Variants in VIPR1 observed in about 807,000 individuals in gnomAD.
The protein encoded by VIPR1 is vasoactive intestinal polypeptide receptor 1.
In VIPR1, 59 loss-of-function variants were observed where a neutral mutation model predicts 58.8. The ratio of observed to expected loss-of-function variants is 1.00; its 90% CI spans 0.81 to 1.25. The LOEUF (loss-of-function observed/expected upper bound fraction) is 1.25. Among genes scored for constraint, VIPR1 ranks in the 50% most tolerant of loss-of-function variants. The pLI is 0.00. For missense variants in VIPR1, 626 were observed against 602.7 expected (o/e 1.04, Z -0.40); for synonymous variants, 251 against 242.1 (o/e 1.04, Z -0.34).
Position 42,531,616 on chromosome 3 carries a change from T to C in VIPR1, c.851+85T>C, listed in dbSNP as rs964427358. 1.9e-6 allele frequency: 3 copies of C among 1,575,174 alleles called. No homozygotes were observed. In the African/African-American group the frequency reaches 4.1e-5, roughly 21 times the overall value. ...GGATGATAATGCCATCTGGCCTTGGTGAGTGGACAAAAACCACAGCTCTCG... is the reference window on the plus strand; with the variant it reads ...GGATGATAATGCCATCTGGCCTTGGCGAGTGGACAAAAACCACAGCTCTCG... On this transcript the variant is annotated intron_variant, in intron 8 of 12. Coordinates refer to ENST00000325123, the MANE Select transcript of VIPR1 (RefSeq NM_004624.4).
At position 42,536,167 on chromosome 3, in the gene VIPR1, C is replaced by T; in HGVS notation, c.1260C>T (p.His420=). ...GVLGWNPKYR[H]PSGGSNGATC... The stretch of plus-strand genomic sequence containing the variant: ...TGGGCTGGAACCCCAAATACCGGCA[C>T]CCGTCGGGAGGCAGCAACGGCGCCA... The change falls in exon 13 of 13, where the codon CAC becomes CAT. Residue 420 remains histidine, a synonymous_variant. Coordinates refer to ENST00000325123, the MANE Select transcript of VIPR1 (RefSeq NM_004624.4). 1 of 1,608,028 alleles carries T rather than the reference C, an allele frequency of 6.2e-7. No individual in the cohort carries two copies. Among genetic ancestry groups the T allele is most frequent in the Non-Finnish European group, 8.5e-7 (1 of 1,177,928 alleles).
rs759312424 is a variant in VIPR1, at chr3:42,526,004, G to A, written c.399+11G>A. The stretch of plus-strand genomic sequence containing the variant: ...GCGAGTTTGGATGAGGTGGGTCTCA[G>A]GGCACCCCCACCTCACCTGCAGAGC... On this transcript the variant is annotated intron_variant, in intron 4 of 12. Coordinates refer to ENST00000325123, the MANE Select transcript of VIPR1 (RefSeq NM_004624.4). 4 of 1,605,718 alleles carry A rather than the reference G, an allele frequency of 2.5e-6. No individual in the cohort carries two copies. In the Admixed American group the frequency reaches 5.1e-5, roughly 20 times the overall value.
chr3:42,496,487 G>A (rs1345962087), intron 1 of VIPR1, among the ~76,000 whole-genome samples: 1 of 152,178 alleles, frequency 6.6e-6, no homozygotes, highest in Non-Finnish European at 1.5e-5. Context: ...TACACATAGA[G>A]GGAGATGTGG....
At chr3:42,490,721 T>C (rs1447175289) in intron 1 of VIPR1, among the ~76,000 whole-genome samples, 2 of 150,298 alleles carry the variant, frequency 1.3e-5, no homozygotes, top group Non-Finnish European at 3.0e-5. Context: ...GGTTTAGGAG[T>C]TGGGGGGAAG....
rs1234742485 is a variant in VIPR1, at chr3:42,536,322, C to G, written c.*41C>G. 3 of 1,482,294 alleles carry G rather than the reference C, an allele frequency of 2.0e-6. No homozygotes were observed. The highest frequency in any genetic ancestry group is 2.8e-5 in the African/African-American group (2 of 71,072). 91.8% of individuals were successfully genotyped at this position (1,482,294 alleles called of 1,614,324 possible). On this transcript the variant is annotated 3_prime_UTR_variant, in exon 13 of 13. Transcript: ENST00000325123. Reference sequence around the variant, plus strand: ...GGGCCCAAGGCGGCCCCTCCCGCCCCTTCCCACTCACCCCGGCAGACGCCG... The same window carrying G: ...GGGCCCAAGGCGGCCCCTCCCGCCCGTTCCCACTCACCCCGGCAGACGCCG...
upstream of VIPR1, chr3:42,502,138 C>G (rs971591508): frequency 2.6e-5 from 4 of 152,306 alleles, no homozygotes; most frequent in African/African-American, 7.2e-5. Flanking sequence ...CGCCTGGACA[C>G]TTGCTGGGCC....
intron 1 of VIPR1, among the ~76,000 whole-genome samples, chr3:42,494,364 T>C (rs1003099183): frequency 9.2e-5 from 14 of 152,234 alleles, no homozygotes; most frequent in Non-Finnish European, 1.6e-4. Context: ...GGAAAACATT[T>C]CATCTTCTTC....
In VIPR1 at chr3:42,532,325, T is replaced by C. The variant is rs1156929314; in HGVS notation, c.1002T>C (p.Ser334=). The change falls in exon 10 of 13, where the codon AGT becomes AGC. Residue 334 remains serine (S), a synonymous_variant. Transcript: ENST00000325123. ...CAGATATCAGGAAGAGTGACAGCAG[T>C]CCATACTCGTGAGTGTGGGCCTAGT... ...RPPDIRKSDS[S]PYSRLARSTL... 2 of 1,614,070 alleles carry C rather than the reference T, an allele frequency of 1.2e-6. No individual in the cohort carries two copies. Among genetic ancestry groups the C allele is most frequent in the East Asian group, 2.2e-5 (1 of 44,874 alleles).
At chr3:42,502,470 A>G (rs573169032), upstream of VIPR1, 61 of 338,522 alleles carry the variant, frequency 1.8e-4, no homozygotes, top group African/African-American at 1.2e-3. Flanking sequence ...ATTGGCAAAG[A>G]GAGAGCAGAG....
chr3:42,509,614 G>A (rs1437754024), intron 1 of VIPR1: 1 of 152,266 alleles, frequency 6.6e-6, no homozygotes, highest in Non-Finnish European at 1.5e-5. Context: ...GCTGAGGCTA[G>A]AGAGTTTTGG....
chr3:42,527,902 C>A (rs866443467), intron 5 of VIPR1, 89 bp from the exon 6 acceptor site: 1 of 1,543,520 alleles, frequency 6.5e-7, no homozygotes. Context: ...TGCTCCCCTG[C>A]CCCACCCTTG....
intron 10 of VIPR1, chr3:42,533,946 C>T (rs1229184422): frequency 6.6e-6 from 1 of 152,316 alleles, no homozygotes; most frequent in Non-Finnish European, 1.5e-5. Context: ...CTATCCACAC[C>T]CCACCTCTCC....
Position 42,526,010 on chromosome 3 carries a change from C to G in VIPR1, c.399+17C>G. On this transcript the variant is annotated intron_variant, in intron 4 of 12. Transcript: ENST00000325123. The stretch of plus-strand genomic sequence containing the variant: ...TTGGATGAGGTGGGTCTCAGGGCAC[C>G]CCCACCTCACCTGCAGAGCGCCGGG... 6.3e-7 allele frequency: 1 copy of G among 1,599,484 alleles called. No homozygotes were observed. The highest frequency in any genetic ancestry group is 8.5e-7 in the Non-Finnish European group (1 of 1,171,906).
In VIPR1 at chr3:42,530,839, C is replaced by T. The variant is rs1701501295; in HGVS notation, c.697C>T (p.Leu233=). Reference sequence around the variant, plus strand: ...TTGTGTCATGGCTAACTTCTTCTGGCTGCTGGTGGAGGGCCTCTACCTGTA... The same window carrying T: ...TTGTGTCATGGCTAACTTCTTCTGGTTGCTGGTGGAGGGCCTCTACCTGTA... ...QYCVMANFFW[L]LVEGLYLYTL... Residue 233 remains leucine, a synonymous_variant, in exon 7 of 13, where the codon CTG becomes TTG. Transcript: ENST00000325123. The T allele has an allele frequency of 1.2e-6, 2 of 1,614,134 alleles. No homozygotes were observed. Among genetic ancestry groups the T allele is most frequent in the Non-Finnish European group, 1.7e-6 (2 of 1,179,986 alleles).
chr3:42,526,359 G>A (rs532896015), intron 4 of VIPR1, among the ~76,000 whole-genome samples: 1 of 152,334 alleles, frequency 6.6e-6, no homozygotes, highest in African/African-American at 2.4e-5. Flanking sequence ...GCAGGTCCTG[G>A]AAGGAACCAG....
intron 6 of VIPR1, 74 bp downstream of exon 6, chr3:42,528,197 C>G (rs1012205429): frequency 6.4e-5 from 98 of 1,540,902 alleles, no homozygotes; most frequent in Middle Eastern, 2.3e-4. Context: ...CCTCTTCTCC[C>G]CCTGCTTCTC....
chr3:42,522,749 G>A (rs574219210), intron 3 of VIPR1, among the ~76,000 whole-genome samples: 4 of 152,302 alleles, frequency 2.6e-5, no homozygotes, highest in Non-Finnish European at 5.9e-5. Context: ...TGAGGTGGTG[G>A]TGGTGCTGGG....
At chr3:42,518,486 C>T (rs1440048807) in intron 2 of VIPR1, among the ~76,000 whole-genome samples, 1 of 152,206 alleles carries the variant, frequency 6.6e-6, no homozygotes, top group African/African-American at 2.4e-5. Flanking sequence ...TACCTGTAAT[C>T]CCAGCACTTT....
At position 42,536,286 on chromosome 3, in the gene VIPR1, C is replaced by G. The variant is rs1044596565; in HGVS notation, c.*5C>G. ...GCCGAAGTCTCCCTGGTCTGACCACCAGGATCCCAGGGGCCCAAGGCGGCC... is the reference window on the plus strand; with the variant it reads ...GCCGAAGTCTCCCTGGTCTGACCACGAGGATCCCAGGGGCCCAAGGCGGCC... On this transcript the variant is annotated 3_prime_UTR_variant, in exon 13 of 13. Coordinates refer to ENST00000325123, the MANE Select transcript of VIPR1 (RefSeq NM_004624.4). 6 of 1,538,202 alleles carry G rather than the reference C, an allele frequency of 3.9e-6. No individual in the cohort carries two copies. The highest frequency in any genetic ancestry group is 2.4e-5 in the East Asian group (1 of 41,668).
Sources: allele counts gnomAD v4.1 joint callset (sites outside exome capture counted in the v4.1 genomes callset), GRCh38; gene constraint gnomAD v4.1.1; transcripts MANE v1.5; gene names NCBI Gene and HGNC (gene_info 2026-07-23, HGNC 2026-07-21).